Variants in DPYD observed in about 807,000 individuals in gnomAD.
DPYD encodes dihydropyrimidine dehydrogenase.
In DPYD, 109 loss-of-function variants were observed where a neutral mutation model predicts 116.2. That is an observed-to-expected ratio of 0.94 (90% CI 0.80 to 1.10). The LOEUF (loss-of-function observed/expected upper bound fraction) is 1.10, where lower values mean the gene tolerates loss of function less well. Among genes scored for constraint, DPYD ranks in the 50% least tolerant of loss-of-function variants. The pLI, the probability that DPYD is intolerant of heterozygous loss-of-function variation, is 0.00. For synonymous variants in DPYD, 440 were observed against 432.0 expected (o/e 1.02, Z -0.23); for missense variants, 1,302 against 1,254.5 (o/e 1.04, Z -0.57).
chr1:97,081,407 C>T (rs550218278), intron 22 of DPYD, among the ~76,000 whole-genome samples: 2 of 151,892 alleles, frequency 1.3e-5, no homozygotes, highest in Non-Finnish European at 2.9e-5. Flanking sequence ...TTAAAATTTG[C>T]TTTCTCCAAA....
chr1:97,230,449 C>T (rs1001840190), intron 19 of DPYD, among the ~76,000 whole-genome samples: 4 of 152,008 alleles, frequency 2.6e-5, no homozygotes, highest in Non-Finnish European at 5.9e-5. Context: ...CACATGAACA[C>T]ATAGAGGGGA....
At chr1:97,324,328 T>C (rs1668600440) in intron 16 of DPYD, among the ~76,000 whole-genome samples, 1 of 152,030 alleles carries the variant, frequency 6.6e-6, no homozygotes, top group Non-Finnish European at 1.5e-5. Context: ...AGTGACATTA[T>C]TGCCTGGGTT....
At chr1:97,271,860 C>T (rs991414983) in intron 18 of DPYD, among the ~76,000 whole-genome samples, 3 of 152,128 alleles carry the variant, frequency 2.0e-5, no homozygotes, top group Non-Finnish European at 2.9e-5. Flanking sequence ...TTGACATTCA[C>T]TCTGTTCTTC....
intron 8 of DPYD, among the ~76,000 whole-genome samples, chr1:97,610,425 C>A (rs1407696718): frequency 6.6e-6 from 1 of 151,998 alleles, no homozygotes; most frequent in Non-Finnish European, 1.5e-5. Flanking sequence ...AGTGCAGACT[C>A]CTGATTCTGG....
chr1:97,444,148 T>C (rs1417659843), intron 14 of DPYD, among the ~76,000 whole-genome samples: 1 of 152,240 alleles, frequency 6.6e-6, no homozygotes, highest in Non-Finnish European at 1.5e-5. Context: ...GCTTGGCTGA[T>C]AACATATCTT....
chr1:97,744,544 T>C (rs1664441654), intron 3 of DPYD, among the ~76,000 whole-genome samples: 1 of 152,070 alleles, frequency 6.6e-6, no homozygotes, highest in South Asian at 2.1e-4. Flanking sequence ...TTTAATTGAG[T>C]CAGCATGGTT....
chr1:97,719,559 A>C (rs1662807787), intron 5 of DPYD, among the ~76,000 whole-genome samples: 1 of 151,918 alleles, frequency 6.6e-6, no homozygotes, highest in African/African-American at 2.4e-5. Flanking sequence ...GTTTGAAAGA[A>C]TAACATTTCG....
intron 14 of DPYD, among the ~76,000 whole-genome samples, chr1:97,403,739 T>G (rs1485197106): frequency 6.6e-6 from 1 of 152,008 alleles, no homozygotes; most frequent in Non-Finnish European, 1.5e-5. Flanking sequence ...TTTGTTGACT[T>G]TTTTCAAATA....
In DPYD at chr1:97,889,843, T is replaced by C. The variant is rs77705434; in HGVS notation, c.40-6469A>G. ...ATGGAATCTTCTCTAGGATATATTGTATGCTAGATGAAAAAACAACTTCTA... is the reference window on the plus strand; with the variant it reads ...ATGGAATCTTCTCTAGGATATATTGCATGCTAGATGAAAAAACAACTTCTA... On this transcript the variant is annotated intron_variant, in intron 1 of 22. Transcript: ENST00000370192. Among the ~76,000 whole-genome samples, 1,451 of 152,162 alleles carry C rather than the reference T, an allele frequency of 9.5e-3. 15 individuals carry two copies. The highest frequency in any genetic ancestry group is 0.013 in the Non-Finnish European group (883 of 67,936).
In DPYD at chr1:97,920,889, T is replaced by C; in HGVS notation, c.34A>G (p.Ile12Val). 1.3e-6 allele frequency: 2 copies of C among 1,593,352 alleles called. No homozygotes were observed. Among genetic ancestry groups the C allele is most frequent in the Non-Finnish European group, 1.7e-6 (2 of 1,170,422 alleles). The change falls in exon 1 of 23, where the codon ATC becomes GTC. Residue 12 changes from isoleucine to valine, a missense_variant. Coordinates refer to ENST00000370192, the MANE Select transcript of DPYD (RefSeq NM_000110.4). ...APVLSKDSAD[I>V]ESILALNPRT... ...AGCCGGCGCGAAGTCCGTACCTCGATGTCCGCCGAGTCCTTACTGAGCACA... is the reference window on the plus strand; with the variant it reads ...AGCCGGCGCGAAGTCCGTACCTCGACGTCCGCCGAGTCCTTACTGAGCACA...
chr1:97,113,011 A>G (rs936829658), intron 20 of DPYD, among the ~76,000 whole-genome samples: 1 of 152,134 alleles, frequency 6.6e-6, no homozygotes, highest in Non-Finnish European at 1.5e-5. Flanking sequence ...TTTTCTCCTC[A>G]TCTCTGTTAA....
intron 5 of DPYD, among the ~76,000 whole-genome samples, chr1:97,712,639 T>C (rs1338461480): frequency 6.6e-6 from 1 of 152,082 alleles, no homozygotes; most frequent in Non-Finnish European, 1.5e-5. Flanking sequence ...ACTCCCCCTA[T>C]GGCTTTGTAT....
intron 5 of DPYD, among the ~76,000 whole-genome samples, chr1:97,712,290 T>C (rs1039862238): frequency 1.9e-4 from 29 of 152,054 alleles, no homozygotes; most frequent in African/African-American, 6.8e-4. Flanking sequence ...ACTCAGATCA[T>C]ATTTTTACTT....
At chr1:97,202,005 G>A (rs535121406) in intron 19 of DPYD, among the ~76,000 whole-genome samples, 2 of 151,088 alleles carry the variant, frequency 1.3e-5, no homozygotes, top group East Asian at 3.9e-4. Context: ...GCTTTGCTAC[G>A]AAACTGCACA....
chr1:97,294,780 G>T (rs1175103683), intron 18 of DPYD, among the ~76,000 whole-genome samples: 1 of 152,096 alleles, frequency 6.6e-6, no homozygotes, highest in Non-Finnish European at 1.5e-5. Context: ...ATGCCTGAAT[G>T]ATGCCTCTCA....
chr1:97,427,294 C>A (rs1443385138), intron 14 of DPYD, among the ~76,000 whole-genome samples: 1 of 151,774 alleles, frequency 6.6e-6, no homozygotes, highest in East Asian at 1.9e-4. Flanking sequence ...CAAAAATGAC[C>A]TTCACTTTTT....
intron 6 of DPYD, among the ~76,000 whole-genome samples, chr1:97,693,905 A>C (rs2100957337): frequency 6.6e-6 from 1 of 152,322 alleles, no homozygotes; most frequent in South Asian, 2.1e-4. Context: ...TTAAGAAAAA[A>C]ACTCTGAAAG....
intron 16 of DPYD, among the ~76,000 whole-genome samples, chr1:97,355,668 A>T (rs1355678325): frequency 6.6e-6 from 1 of 152,272 alleles, no homozygotes; most frequent in Non-Finnish European, 1.5e-5. Flanking sequence ...CACATGTAAG[A>T]GAATATGCAA....
chr1:97,103,481 T>C (rs898944545), intron 20 of DPYD, among the ~76,000 whole-genome samples: 1 of 152,158 alleles, frequency 6.6e-6, no homozygotes, highest in African/African-American at 2.4e-5. Context: ...TGCTATGTGA[T>C]GGCTAATGAT....
Sources: gnomAD v4.1 joint callset for allele counts (sites outside exome capture counted in the v4.1 genomes callset) on GRCh38, gnomAD v4.1.1 for gene constraint, MANE v1.5 for transcripts, NCBI Gene and HGNC (gene_info 2026-07-23, HGNC 2026-07-21) for gene names.